ZNF518A: variants seen among roughly 807,000 people sequenced by gnomAD.
ZNF518A encodes the protein zinc finger protein 518A.
ZNF518A carries 47 observed loss-of-function variants against 102.7 expected under a neutral mutation model. The ratio of observed to expected loss-of-function variants is 0.46; its 90% CI spans 0.36 to 0.58. The LOEUF is 0.58. Ranked by LOEUF, ZNF518A falls within the 20% of genes least tolerant of loss-of-function variation. The probability of loss-of-function intolerance (pLI) is 0.00; values close to 1 mark genes in which losing one functional copy is unlikely to be tolerated. For synonymous variants in ZNF518A, 652 were observed against 594.6 expected (o/e 1.10, Z -1.40); for missense variants, 1,793 against 1,699.8 (o/e 1.05, Z -0.96).
chr10:96,130,965 T>C (rs1427241846), intron 1 of ZNF518A: 9 of 152,238 alleles, frequency 5.9e-5, no homozygotes, highest in African/African-American at 2.2e-4. Flanking sequence ...AGTGGACCGA[T>C]CAAACAGATG....
In ZNF518A at chr10:96,160,028, A is replaced by G. The variant is rs1554886778; in HGVS notation, c.3706A>G (p.Lys1236Glu). ...DCSESRVLRC[K>E]TNCRIERNFN... is the part of the protein sequence containing the mutation. ...TTCAGAGTCCAGGGTATTAAGGTGT[A>G]AAACAAATTGTAGAATTGAGAGGAA... Residue 1236 changes from lysine (K) to glutamate (E), a missense_variant, in exon 6 of 6, where the codon AAA becomes GAA. Physicochemically the swap from Lys to Glu is moderately conservative, Grantham distance 56. Around this residue, in one of 3 missense-constraint regions of ZNF518A, gnomAD observed 1,741 missense variants for 1,622.6 expected, o/e 1.07. Transcript: ENST00000316045. 1 of 1,611,752 alleles carries G rather than the reference A, an allele frequency of 6.2e-7. No individual in the cohort carries two copies. The highest frequency in any genetic ancestry group is 1.7e-5 in the Admixed American group (1 of 59,610).
chr10:96,149,325 G>A (rs2082321559), intron 3 of ZNF518A, among the ~76,000 whole-genome samples: 1 of 151,964 alleles, frequency 6.6e-6, no homozygotes, highest in Non-Finnish European at 1.5e-5. Flanking sequence ...ATGAGGTGAG[G>A]GTTTGTGTCT....
At chr10:96,180,180 CTTTTT>C (rs60561670) in intron 1 of ZNF518A, among the ~76,000 whole-genome samples, 1,039 of 96,286 alleles carry the variant, frequency 0.011, 11 homozygotes, top group South Asian at 0.02. Flanking sequence ...GCTCCAGCCT[CTTTTT>C]TTTTTTTTTT....
rs1554883989 is a variant in ZNF518A at position 96,157,940 on chromosome 10, A to G, written c.1618A>G (p.Met540Val). ...EMTLISQRNN[M>V]LQTMDYEKSV... ...GACTTTGATATCTCAAAGGAATAAT[A>G]TGCTTCAAACAATGGATTATGAGAA... Residue 540 changes from methionine (M) to valine (V), a missense_variant, in exon 6 of 6, where the codon ATG becomes GTG. Physicochemically the swap from Met to Val is conservative, Grantham distance 21. Transcript: ENST00000316045. 3 of 1,613,868 alleles carry G rather than the reference A, an allele frequency of 1.9e-6. No homozygotes were observed. Among genetic ancestry groups the G allele is most frequent in the Non-Finnish European group, 2.5e-6 (3 of 1,179,784 alleles).
At chr10:96,184,022 G>C (rs1372811157) in intron 1 of ZNF518A, among the ~76,000 whole-genome samples, 1 of 152,200 alleles carries the variant, frequency 6.6e-6, no homozygotes, top group Non-Finnish European at 1.5e-5. Context: ...ATAGATTTAG[G>C]ATAGTTAGCT....
At chr10:96,191,917 A>C in intron 1 of ZNF518A, 1 of 1,608,800 alleles carries the variant, frequency 6.2e-7, no homozygotes, top group South Asian at 1.1e-5. Flanking sequence ...TTTTCTCAAA[A>C]GGAGAAACTT....
chr10:96,180,613 C>T (rs983183682), intron 1 of ZNF518A, among the ~76,000 whole-genome samples: 25 of 151,932 alleles, frequency 1.6e-4, no homozygotes, highest in South Asian at 6.2e-4. Context: ...TCTGTCCTTG[C>T]GATAGTTTGC....
At chr10:96,147,551 A>G (rs998573180) in intron 3 of ZNF518A, among the ~76,000 whole-genome samples, 2 of 152,116 alleles carry the variant, frequency 1.3e-5, no homozygotes, top group African/African-American at 2.4e-5. Context: ...GAGATTTTGC[A>G]TGTCTTCATT....
In ZNF518A at chr10:96,159,335, A is replaced by G. The variant is rs1042169581; in HGVS notation, c.3013A>G (p.Thr1005Ala). 1.2e-6 allele frequency: 2 copies of G among 1,613,706 alleles called. No homozygotes were observed. The highest frequency in any genetic ancestry group is 1.3e-5 in the African/African-American group (1 of 75,040). Residue 1005 changes from threonine to alanine, a missense_variant, in exon 6 of 6, where the codon ACT becomes GCT. Thr to Ala is a moderately conservative substitution (Grantham distance 58). This residue lies in a region of ZNF518A where 1,741 missense variants were observed against 1,622.6 expected (regional missense o/e 1.07). Coordinates refer to ENST00000316045, the MANE Select transcript of ZNF518A (RefSeq NM_001330736.2). The part of the protein sequence containing the change: ...TEGAPARGTV[T>A]KEPCKTPILK... ...GGGTGCCCCAGCTCGTGGAACTGTG[A>G]CTAAGGAGCCTTGCAAAACACCTAT... is the stretch of plus-strand genomic sequence containing the variant.
chr10:96,199,399 A>G, intron 1 of ZNF518A: 1 of 352,686 alleles, frequency 2.8e-6, no homozygotes, highest in Non-Finnish European at 5.8e-6. Flanking sequence ...CAAATTTTTA[A>G]TCCTGCACAT....
chr10:96,150,743 CTTT>C (rs10675397), intron 3 of ZNF518A, among the ~76,000 whole-genome samples: 7 of 30,292 alleles, frequency 2.3e-4, no homozygotes, highest in South Asian at 2.7e-3. Context: ...TCTTTCTTTC[CTTT>C]TTTTTTTTTT....
In ZNF518A at chr10:96,158,221, C is replaced by G. The variant is rs1554884369; in HGVS notation, c.1899C>G (p.Asn633Lys). The change falls in exon 6 of 6, where the codon AAC (asparagine) becomes AAG (lysine). Residue 633 changes from asparagine (N) to lysine (K), a missense_variant. Asn to Lys is a moderately conservative substitution (Grantham distance 94). Transcript: ENST00000316045. ...GTGAGTTACCTGTTGAATCCTCCAA[C>G]CAAGGATCATTACCTTTTCATAATT... ...GNCELPVESSNQGSLPFHNYS... is the reference protein window; with the variant it reads ...GNCELPVESSKQGSLPFHNYS... The G allele has an allele frequency of 6.2e-7, 1 of 1,613,672 alleles. No individual in the cohort carries two copies. Among genetic ancestry groups the G allele is most frequent in the East Asian group, 2.2e-5 (1 of 44,876 alleles).
chr10:96,169,404 T>G (rs1167134408), intron 1 of ZNF518A, among the ~76,000 whole-genome samples: 1 of 152,214 alleles, frequency 6.6e-6, no homozygotes, highest in Non-Finnish European at 1.5e-5. Context: ...CTGATCAATC[T>G]TAGAGTTCAC....
chr10:96,160,167 G>A lies in ZNF518A; in HGVS notation c.3845G>A (p.Arg1282Lys). 2 of 1,609,730 alleles carry A rather than the reference G, an allele frequency of 1.2e-6. No homozygotes were observed. Among genetic ancestry groups the A allele is most frequent in the Non-Finnish European group, 1.7e-6 (2 of 1,178,136 alleles). ...AACAGAAACTGTAAACGAAAGTGTAGGGATAGTTACCAAGAACCTCCAAGA... is the reference window on the plus strand; with the variant it reads ...AACAGAAACTGTAAACGAAAGTGTAAGGATAGTTACCAAGAACCTCCAAGA... ...SRNRNCKRKC[R>K]DSYQEPPRRK... is the part of the protein sequence containing the mutation. Residue 1282 changes from arginine to lysine, a missense_variant, in exon 6 of 6, where the codon AGG (arginine) becomes AAG (lysine). Arg to Lys is a conservative substitution (Grantham distance 26). Around this residue, in one of 3 missense-constraint regions of ZNF518A, gnomAD observed 1,741 missense variants for 1,622.6 expected, o/e 1.07. Transcript: ENST00000316045.
At chr10:96,194,210 C>T (rs1013112915) in intron 1 of ZNF518A, among the ~76,000 whole-genome samples, 30 of 152,092 alleles carry the variant, frequency 2.0e-4, no homozygotes, top group Non-Finnish European at 3.8e-4. Flanking sequence ...GCTTCTTCAC[C>T]CACCCTTAAG....
At chr10:96,187,116 C>T (rs1554892676) in intron 1 of ZNF518A, among the ~76,000 whole-genome samples, 1 of 152,134 alleles carries the variant, frequency 6.6e-6, no homozygotes, top group Non-Finnish European at 1.5e-5. Flanking sequence ...AGATTAAGAA[C>T]CACAGATGTA....
At chr10:96,165,909 C>T (rs782024388), downstream of ZNF518A, among the ~76,000 whole-genome samples, 23 of 152,240 alleles carry the variant, frequency 1.5e-4, no homozygotes, top group Middle Eastern at 6.8e-3. Flanking sequence ...AAGCTAGAGA[C>T]GTAGTGATGG....
intron 3 of ZNF518A, among the ~76,000 whole-genome samples, chr10:96,144,054 C>T (rs1338672274): frequency 2.0e-5 from 3 of 152,142 alleles, no homozygotes; most frequent in Non-Finnish European, 2.9e-5. Context: ...AGCATGATCA[C>T]GGCTCACTGC....
chr10:96,159,332 G>A lies in ZNF518A; in HGVS notation c.3010G>A (p.Val1004Met). Residue 1004 changes from valine to methionine, a missense_variant, in exon 6 of 6, where the codon GTG becomes ATG. By Grantham distance (21) the Val-to-Met change is conservative (BLOSUM62 1). Coordinates refer to ENST00000316045, the MANE Select transcript of ZNF518A (RefSeq NM_001330736.2). ...CGAGGGTGCCCCAGCTCGTGGAACT[G>A]TGACTAAGGAGCCTTGCAAAACACC... ...KTEGAPARGT[V>M]TKEPCKTPIL... 1 of 1,613,688 alleles carries A rather than the reference G, an allele frequency of 6.2e-7. No homozygotes were observed. The highest frequency in any genetic ancestry group is 1.1e-5 in the South Asian group (1 of 91,048).
Sources: gnomAD v4.1 joint callset for allele counts (sites outside exome capture counted in the v4.1 genomes callset) on GRCh38, gnomAD v4.1.1 for gene constraint, gnomAD v4.1.1 regional missense constraint, MANE v1.5 for transcripts, NCBI Gene and HGNC (gene_info 2026-07-23, HGNC 2026-07-21) for gene names.